The following DHX9 variants were observed in gnomAD, a reference collection of about 807,000 sequenced individuals.
DHX9 encodes DExH-box helicase 9.
DHX9 carries 27 observed loss-of-function variants against 148.7 expected under a neutral mutation model. That is an observed-to-expected ratio of 0.18 (90% CI 0.13 to 0.25). The LOEUF (loss-of-function observed/expected upper bound fraction) is 0.25. Ranked by LOEUF, DHX9 falls within the 10% of genes least tolerant of loss-of-function variation. The pLI is 1.00. For missense variants in DHX9, 796 were observed against 1,559.6 expected, an observed-to-expected ratio of 0.51 and a Z score of 8.25; for synonymous variants, 529 against 516.6, an observed-to-expected ratio of 1.02 and a Z score of -0.33.
rs563084355 is a variant in DHX9, at chr1:182,879,765, G to T, written c.2512+355G>T. ...TTTTGAGACGGAATCTCGCTCCATT[G>T]CCCAGGCTGGAGTGCAGTGGCGTGA... On this transcript the variant is annotated intron_variant, in intron 21 of 27. Transcript: ENST00000367549. Among the ~76,000 whole-genome samples the T allele has an allele frequency of 7.2e-5, 11 of 152,046 alleles. No homozygotes were observed. The East Asian group carries it at 1.9e-3, about 27-fold the overall frequency.
intron 15 of DHX9, 152 bp downstream of exon 15, chr1:182,872,645 C>G: frequency 1.1e-6 from 1 of 892,936 alleles, no homozygotes; most frequent in Non-Finnish European, 1.7e-6. Flanking sequence ...AGGAGTTTCT[C>G]TTCTGTTATT....
chr1:182,846,569 G>A (rs1383637101), intron 3 of DHX9, among the ~76,000 whole-genome samples: 1 of 152,166 alleles, frequency 6.6e-6, no homozygotes, highest in Non-Finnish European at 1.5e-5. Flanking sequence ...ATATGACACT[G>A]TCTACTTGCT....
chr1:182,843,841 A>G (rs1264693755), intron 3 of DHX9, among the ~76,000 whole-genome samples: 1 of 152,126 alleles, frequency 6.6e-6, no homozygotes, highest in African/African-American at 2.4e-5. Context: ...TCTGTTACCC[A>G]AGCTAGAATG....
At chr1:182,852,799 G>A (rs544207458) in intron 4 of DHX9, among the ~76,000 whole-genome samples, 11 of 152,232 alleles carry the variant, frequency 7.2e-5, no homozygotes, top group African/African-American at 2.4e-4. Flanking sequence ...ACCTAGCAGC[G>A]ACATTAATTG....
At chr1:182,852,177 A>G in intron 3 of DHX9, 56 bp from the exon 4 acceptor site, 3 of 1,103,094 alleles carry the variant, frequency 2.7e-6, no homozygotes, top group Non-Finnish European at 4.0e-6. Flanking sequence ...AAAAGAATTT[A>G]CTAGTCCCCG....
At chr1:182,875,714 A>G (rs192872274) in intron 16 of DHX9, among the ~76,000 whole-genome samples, 7 of 152,344 alleles carry the variant, frequency 4.6e-5, no homozygotes, top group Admixed American at 2.6e-4. Flanking sequence ...TTGCTTTATC[A>G]TTGATTCAAA....
rs1222228412 is a variant in DHX9 at position 182,874,801 on chromosome 1, T to TGCTCC, written c.1715-52_1715-48dup. The TGCTCC allele has an allele frequency of 5.3e-6, 7 of 1,329,274 alleles. No homozygotes were observed. The African/African-American group carries it at 8.8e-5, about 17-fold the overall frequency. The allele number at this position is 1,329,274 out of a possible 1,614,324, so 82.3% of individuals were successfully genotyped here. A position where few individuals can be genotyped will look rare whatever the true frequency, so the allele number is the denominator to read the frequency against. On this transcript the variant is annotated intron_variant, in intron 15 of 27. Coordinates refer to ENST00000367549, the MANE Select transcript of DHX9 (RefSeq NM_001357.5). ...ATGAATTAGCAAATGAATTTAGGTC[T>TGCTCC]GCTCCATTGTGAAAGTTGATAGTAC...
At chr1:182,864,211 T>C (rs1648178456) in intron 12 of DHX9, among the ~76,000 whole-genome samples, 1 of 152,140 alleles carries the variant, frequency 6.6e-6, no homozygotes, top group Non-Finnish European at 1.5e-5. Flanking sequence ...CTCAGACTCC[T>C]GAGTAGCTGG....
At chr1:182,881,138 G>C (rs1262669560) in intron 22 of DHX9, 126 bp from the exon 23 acceptor site, 4 of 983,732 alleles carry the variant, frequency 4.1e-6, no homozygotes, top group African/African-American at 1.7e-5. Context: ...TGTTAAGCCA[G>C]TTTCATTGCA....
Position 182,872,499 on chromosome 1 carries a change from AT to A in DHX9, c.1714+8del, listed in dbSNP as rs777379109. On this transcript the variant is annotated splice_region_variant and intron_variant, in intron 15 of 27. Transcript: ENST00000367549. Reference sequence around the variant, plus strand: ...GAGGACTTACCCAGTTCAAGGTAATATTGTGGGGGTGGTATAGGAACATCTT... The same window carrying A: ...GAGGACTTACCCAGTTCAAGGTAATATGTGGGGGTGGTATAGGAACATCTT... The A allele has an allele frequency of 6.2e-7, 1 of 1,612,202 alleles. No individual in the cohort carries two copies. Among genetic ancestry groups the A allele is most frequent in the Non-Finnish European group, 8.5e-7 (1 of 1,179,192 alleles).
chr1:182,875,495 CAGGAAAGAAA>C (rs1648719076), intron 16 of DHX9, among the ~76,000 whole-genome samples: 1 of 152,032 alleles, frequency 6.6e-6, no homozygotes, highest in African/African-American at 2.4e-5. Context: ...CTAGGAGAAA[CAGGAAAGAAA>C]AGACTTTGTA....
Position 182,876,064 on chromosome 1 carries a change from G to C in DHX9, c.1830G>C (p.Leu610Phe), listed in dbSNP as rs1648750201. The C allele has an allele frequency of 1.2e-6, 2 of 1,613,670 alleles. No homozygotes were observed. The highest frequency in any genetic ancestry group is 1.7e-6 in the Non-Finnish European group (2 of 1,179,770). ...GGEDDDANCN[L>F]ICGDEYGPET... ...GTTTTTTACAGGCAAATTGCAACTT[G>C]ATCTGTGGTGATGAATATGGTCCAG... The change falls in exon 17 of 28, where the codon TTG becomes TTC. Residue 610 changes from leucine (L) to phenylalanine (F), a missense_variant. Around this residue, in one of 14 missense-constraint regions of DHX9, gnomAD observed 133 missense variants for 223.8 expected, o/e 0.59. Transcript: ENST00000367549.
At chr1:182,850,695 T>C (rs913659441) in intron 3 of DHX9, among the ~76,000 whole-genome samples, 3 of 152,236 alleles carry the variant, frequency 2.0e-5, no homozygotes, top group African/African-American at 4.8e-5. Flanking sequence ...CTGTGTATTT[T>C]TGTTTAGATA....
At chr1:182,840,048 G>C (rs1459508616) in intron 1 of DHX9, 1 of 152,394 alleles carries the variant, frequency 6.6e-6, no homozygotes, top group Non-Finnish European at 1.5e-5. Flanking sequence ...GCAGAAACTG[G>C]GCGGGAGCTG....
rs770201412 is a variant in DHX9, at chr1:182,852,278, A to C, written c.298A>C (p.Asn100His). 89 of 1,613,210 alleles carry C rather than the reference A, an allele frequency of 5.5e-5. No homozygotes were observed. The highest frequency in any genetic ancestry group is 5.0e-4 in the Middle Eastern group (3 of 6,060). Residue 100 changes from asparagine (N) to histidine (H), a missense_variant, in exon 4 of 28, where the codon AAT becomes CAT. By Grantham distance (68) the Asn-to-His change is moderately conservative. Transcript: ENST00000367549. ...PLTDTPDTTA[N>H]AEGDLPTTMG... ...TACTGATACTCCTGACACTACAGCA[A>C]ATGCTGAAGGAGATTTACCAACAAC...
In DHX9 at chr1:182,860,152, C is replaced by G; in HGVS notation, c.1300C>G (p.Arg434Gly). ...FILDDFIQND[R>G]AAECNIVVTQ... The stretch of plus-strand genomic sequence containing the variant: ...TCTAGATGACTTTATCCAGAATGAC[C>G]GAGCAGCAGAGTGTAACATCGTAGT... The change falls in exon 12 of 28, where the codon CGA (arginine) becomes GGA (glycine). Residue 434 changes from arginine to glycine, a missense_variant. Physicochemically the swap from Arg to Gly is moderately radical, Grantham distance 125. Transcript: ENST00000367549. The G allele has an allele frequency of 6.2e-7, 1 of 1,611,088 alleles. No individual in the cohort carries two copies. Among genetic ancestry groups the G allele is most frequent in the Non-Finnish European group, 8.5e-7 (1 of 1,178,766 alleles).
intron 12 of DHX9, among the ~76,000 whole-genome samples, chr1:182,863,338 A>G (rs1648074422): frequency 1.3e-5 from 2 of 152,230 alleles, no homozygotes; most frequent in Non-Finnish European, 1.5e-5. Flanking sequence ...TTAATCTACT[A>G]GAATGCAGCA....
At chr1:182,876,300 A>G in intron 17 of DHX9, 37 bp downstream of exon 17, 1 of 1,604,932 alleles carries the variant, frequency 6.2e-7, no homozygotes, top group South Asian at 1.1e-5. Flanking sequence ...TTGAGAGTGA[A>G]AATGAATGTT....
intron 3 of DHX9, among the ~76,000 whole-genome samples, chr1:182,846,559 A>G (rs142322141): frequency 1.3e-5 from 2 of 152,354 alleles, no homozygotes; most frequent in Non-Finnish European, 1.5e-5. Context: ...TTTAAAGATA[A>G]TATGACACTG....
Sources: gnomAD v4.1 joint callset for allele counts (sites outside exome capture counted in the v4.1 genomes callset) on GRCh38, gnomAD v4.1.1 for gene constraint, gnomAD v4.1.1 regional missense constraint, MANE v1.5 for transcripts, NCBI Gene and HGNC (gene_info 2026-07-23, HGNC 2026-07-21) for gene names.